PIK3C2G: variants seen among roughly 807,000 people sequenced by gnomAD.
PIK3C2G encodes the protein phosphatidylinositol 3-kinase C2 domain-containing subunit gamma.
In PIK3C2G, 168 loss-of-function variants were observed where a neutral mutation model predicts 181.1. The ratio of observed to expected loss-of-function variants is 0.93; its 90% confidence interval spans 0.82 to 1.05. The LOEUF is 1.05. PIK3C2G is among the 50% of genes least tolerant of loss of function. The pLI is 0.00. For missense variants in PIK3C2G, 1,869 were observed against 1,732.8 expected, an observed-to-expected ratio of 1.08 and a Z score of -1.40; for synonymous variants, 573 against 592.2, an observed-to-expected ratio of 0.97 and a Z score of 0.47.
intron 24 of PIK3C2G, among the ~76,000 whole-genome samples, chr12:18,528,000 C>T (rs556007464): frequency 1.5e-4 from 23 of 152,184 alleles, no homozygotes; most frequent in African/African-American, 5.5e-4. Context: ...CTAACTAAGG[C>T]TGTCCTTAGT....
Position 18,282,590 on chromosome 12 carries a change from GA to G in PIK3C2G, c.510del (p.Phe171LeufsTer28). 1 of 1,612,962 alleles carries G rather than the reference GA, an allele frequency of 6.2e-7. No homozygotes were observed. The highest frequency in any genetic ancestry group is 8.5e-7 in the Non-Finnish European group (1 of 1,179,192). On this transcript the variant is annotated frameshift_variant, in exon 2 of 33. Transcript: ENST00000538779. LOFTEE classifies it high-confidence loss of function. ...AATGAAAATCATAACTACCATATAG[GA>G]TTTGAAAGTAGCATTCCTCCAACAA... ...LENENHNYHI[G>X]FESSIPPTNS...
rs566747331 is a variant in PIK3C2G, at chr12:18,576,877, A to C, written c.4011+9820A>C. 3.0e-4 allele frequency among the ~76,000 whole-genome samples: 46 copies of C among 152,308 alleles called. No individual in the cohort carries two copies. The South Asian group carries it at 9.5e-3, about 32-fold the overall frequency. On this transcript the variant is annotated intron_variant, in intron 29 of 32. Coordinates refer to ENST00000538779, the MANE Select transcript of PIK3C2G (RefSeq NM_001288772.2). ...TGTAGTCAAGGGCTGTGGATATGGCAGTAGCTGTAAAGGAAAGTGCTAAGG... is the reference window on the plus strand; with the variant it reads ...TGTAGTCAAGGGCTGTGGATATGGCCGTAGCTGTAAAGGAAAGTGCTAAGG...
intron 31 of PIK3C2G, among the ~76,000 whole-genome samples, chr12:18,634,605 G>A (rs1445929333): frequency 6.6e-6 from 1 of 152,174 alleles, no homozygotes; most frequent in East Asian, 1.9e-4. Flanking sequence ...GTCAGTCTCT[G>A]CTGTTGACAT....
In PIK3C2G at chr12:18,566,958, T is replaced by C. The variant is rs1233610134; in HGVS notation, c.3912T>C (p.His1304=). Residue 1304 remains histidine, a synonymous_variant, in exon 29 of 33, where the codon CAT becomes CAC. Transcript: ENST00000538779. ...FASLTLPEFP[H]WWHLPFTNSD... is the part of the protein sequence containing the mutation. ...TTTTCTCTTAAAACAGGTTTCCTCA[T>C]TGGTGGCACCTACCTTTTACAAATT... 1.9e-6 allele frequency: 3 copies of C among 1,579,232 alleles called. No homozygotes were observed. The highest frequency in any genetic ancestry group is 2.2e-5 in the South Asian group (2 of 89,334).
At chr12:18,643,725 T>C (rs1210483564) in intron 32 of PIK3C2G, among the ~76,000 whole-genome samples, 2 of 151,922 alleles carry the variant, frequency 1.3e-5, no homozygotes, top group Non-Finnish European at 2.9e-5. Flanking sequence ...CCTTACTAGA[T>C]GTCTTTACCA....
intron 29 of PIK3C2G, among the ~76,000 whole-genome samples, chr12:18,593,651 T>C (rs531691291): frequency 6.6e-6 from 1 of 151,868 alleles, no homozygotes; most frequent in Non-Finnish European, 1.5e-5. Flanking sequence ...GGTCATATAG[T>C]AGCTTCCAAC....
At chr12:18,447,984 T>C (rs1411167297) in intron 18 of PIK3C2G, among the ~76,000 whole-genome samples, 1 of 152,190 alleles carries the variant, frequency 6.6e-6, no homozygotes, top group Non-Finnish European at 1.5e-5. Context: ...TTGTGATAGA[T>C]TCTTCCTGGC....
Position 18,268,927 on chromosome 12 carries a change from T to A in PIK3C2G, c.-79+7350T>A, listed in dbSNP as rs139656853. Reference sequence around the variant, plus strand: ...AGTCAAAACTTAGATTTCTTTCTTTTTTTTTTTAAACGAGTCTCACTCTGT... The same window carrying A: ...AGTCAAAACTTAGATTTCTTTCTTTATTTTTTTAAACGAGTCTCACTCTGT... On this transcript the variant is annotated intron_variant, in intron 1 of 32. Transcript: ENST00000538779. 3.3e-5 allele frequency among the ~76,000 whole-genome samples: 5 copies of A among 152,278 alleles called. No individual in the cohort carries two copies. In the South Asian group the frequency reaches 8.3e-4, roughly 25 times the overall value.
chr12:18,385,949 C>T (rs1017313927), intron 14 of PIK3C2G, among the ~76,000 whole-genome samples: 9 of 152,124 alleles, frequency 5.9e-5, no homozygotes, highest in Non-Finnish European at 8.8e-5. Flanking sequence ...GGTGCCAAAC[C>T]CAGTGATGGT....
At chr12:18,625,062 A>T (rs1261556022) in intron 31 of PIK3C2G, among the ~76,000 whole-genome samples, 1 of 151,640 alleles carries the variant, frequency 6.6e-6, no homozygotes, top group Admixed American at 6.6e-5. Context: ...TCTTCTGCTA[A>T]CATTGGGCTT....
intron 29 of PIK3C2G, among the ~76,000 whole-genome samples, chr12:18,582,486 C>A (rs1000977844): frequency 2.0e-5 from 3 of 152,176 alleles, no homozygotes; most frequent in Middle Eastern, 3.4e-3. Flanking sequence ...ACGTGAAGCA[C>A]CAGGAGCTTT....
intron 1 of PIK3C2G, among the ~76,000 whole-genome samples, chr12:18,271,921 G>T (rs974584900): frequency 6.6e-6 from 1 of 151,930 alleles, no homozygotes; most frequent in African/African-American, 2.4e-5. Context: ...CAAAATAAAG[G>T]TACAGCTTAA....
exon 1 of PIK3C2G, chr12:18,247,971 T>C (rs1948057698): frequency 6.6e-6 from 1 of 152,036 alleles, no homozygotes; most frequent in Non-Finnish European, 1.5e-5. Context: ...AATCAAATTA[T>C]TGAGAATTGT....
At chr12:18,360,204 T>C (rs932483548) in intron 11 of PIK3C2G, among the ~76,000 whole-genome samples, 12 of 152,254 alleles carry the variant, frequency 7.9e-5, no homozygotes, top group Middle Eastern at 3.4e-3. Context: ...ATACAAAATA[T>C]CTTATATTTA....
At chr12:18,249,371 AT>A (rs1206461349) in intron 1 of PIK3C2G, among the ~76,000 whole-genome samples, 2 of 152,194 alleles carry the variant, frequency 1.3e-5, no homozygotes. Flanking sequence ...CATAAATTAT[AT>A]TGATAAAGTA....
chr12:18,592,850 A>G (rs1485963750), intron 29 of PIK3C2G, among the ~76,000 whole-genome samples: 1 of 151,956 alleles, frequency 6.6e-6, no homozygotes, highest in Non-Finnish European at 1.5e-5. Flanking sequence ...AACTAATAGA[A>G]TCCAGGACAC....
intron 31 of PIK3C2G, among the ~76,000 whole-genome samples, chr12:18,618,506 T>C (rs2136650655): frequency 6.6e-6 from 1 of 152,302 alleles, no homozygotes; most frequent in Non-Finnish European, 1.5e-5. Flanking sequence ...GTCAACTTTC[T>C]CCAGAAGATT....
At chr12:18,724,058 C>T in the PIK3C2G span, among the ~76,000 whole-genome samples, 2 of 151,920 alleles carry the variant, frequency 1.3e-5, no homozygotes, top group Admixed American at 6.6e-5. Context: ...AGAGTGGATT[C>T]GAAAGGTCAT....
intron 24 of PIK3C2G, among the ~76,000 whole-genome samples, chr12:18,522,609 A>G (rs2136187583): frequency 6.6e-6 from 1 of 151,384 alleles, no homozygotes; most frequent in South Asian, 2.1e-4. Context: ...GTTTAAAGTC[A>G]TATTTGTAGT....
Sources: allele counts gnomAD v4.1 joint callset (sites outside exome capture counted in the v4.1 genomes callset), GRCh38; gene constraint gnomAD v4.1.1; transcripts MANE v1.5; gene names NCBI Gene and HGNC (gene_info 2026-07-23, HGNC 2026-07-21).